The following CDH8 variants were observed in gnomAD, a reference collection of about 807,000 sequenced individuals.
CDH8 encodes cadherin-8.
A neutral mutation model predicts 68.1 loss-of-function variants in CDH8; 17 were observed. The ratio of observed to expected loss-of-function variants is 0.25; its 90% CI spans 0.17 to 0.37. The LOEUF is 0.37. CDH8 is among the 10% of genes least tolerant of loss of function. The pLI, the probability that CDH8 is intolerant of heterozygous loss-of-function variation, is 1.00. For missense variants in CDH8, 763 were observed against 999.3 expected, an observed-to-expected ratio of 0.76 and a Z score of 3.19; for synonymous variants, 372 against 365.1, an observed-to-expected ratio of 1.02 and a Z score of -0.21.
chr16:61,832,171 C>T (rs1962468738), intron 4 of CDH8, among the ~76,000 whole-genome samples: 1 of 151,656 alleles, frequency 6.6e-6, no homozygotes, highest in African/African-American at 2.4e-5. Flanking sequence ...CAAACTTGCA[C>T]AGATATACCA....
At chr16:61,878,546 T>C (rs1963506207) in intron 3 of CDH8, among the ~76,000 whole-genome samples, 1 of 152,174 alleles carries the variant, frequency 6.6e-6, no homozygotes, top group Non-Finnish European at 1.5e-5. Context: ...CATAGACTTT[T>C]TGTAGAAATC....
chr16:61,792,095 T>C (rs1303721920), intron 7 of CDH8, among the ~76,000 whole-genome samples: 1 of 152,008 alleles, frequency 6.6e-6, no homozygotes, highest in African/African-American at 2.4e-5. Flanking sequence ...ATGCTCTTCC[T>C]TGGGAATTTA....
At chr16:61,896,657 C>T (rs970414142) in intron 3 of CDH8, among the ~76,000 whole-genome samples, 11 of 152,234 alleles carry the variant, frequency 7.2e-5, no homozygotes, top group Admixed American at 5.2e-4. Context: ...ATAATGCAGC[C>T]GCCTCTGCTT....
At chr16:61,928,467 A>G (rs1964489273) in intron 2 of CDH8, among the ~76,000 whole-genome samples, 1 of 152,170 alleles carries the variant, frequency 6.6e-6, no homozygotes, top group Non-Finnish European at 1.5e-5. Flanking sequence ...GTCCTGGGTA[A>G]CTGCATCTAT....
chr16:61,804,507 T>C (rs1961750632), intron 7 of CDH8, among the ~76,000 whole-genome samples: 1 of 149,628 alleles, frequency 6.7e-6, no homozygotes, highest in South Asian at 2.1e-4. Context: ...AAAAAACCCT[T>C]CAAAAACTCA....
intron 2 of CDH8, among the ~76,000 whole-genome samples, chr16:61,991,070 A>G (rs955907842): frequency 1.3e-5 from 2 of 152,206 alleles, no homozygotes; most frequent in Admixed American, 6.5e-5. Flanking sequence ...AATATTAAAG[A>G]GTCAGAATTT....
At chr16:61,876,020 G>C (rs1963452032) in intron 3 of CDH8, among the ~76,000 whole-genome samples, 4 of 151,926 alleles carry the variant, frequency 2.6e-5, no homozygotes, top group Admixed American at 2.6e-4. Flanking sequence ...GAGACTACAG[G>C]CACCCGCCAC....
chr16:61,976,998 C>G (rs1651389119), intron 2 of CDH8, among the ~76,000 whole-genome samples: 1 of 152,092 alleles, frequency 6.6e-6, no homozygotes, highest in Admixed American at 6.5e-5. Flanking sequence ...CACATGCAAT[C>G]AATGGGCTCC....
intron 10 of CDH8, 152 bp from the exon 11 acceptor site, chr16:61,655,873 C>CTT (rs35413525): frequency 0.093 from 48,341 of 519,402 alleles, 1,038 homozygotes; most frequent in African/African-American, 0.13. Context: ...CGTCTCCGCA[C>CTT]TTTTTTTTTT....
At chr16:61,677,656 C>T (rs1963939816) in intron 10 of CDH8, among the ~76,000 whole-genome samples, 1 of 152,148 alleles carries the variant, frequency 6.6e-6, no homozygotes, top group Admixed American at 6.6e-5. Context: ...GTAAGTACAT[C>T]TATCTATTTT....
Position 62,021,167 on chromosome 16 carries a change from C to A in CDH8, c.237G>T (p.Pro79=). The A allele has an allele frequency of 1.2e-6, 2 of 1,613,876 alleles. No individual in the cohort carries two copies. Among genetic ancestry groups the A allele is most frequent in the Admixed American group, 1.7e-5 (1 of 59,964 alleles). ...FVLEEFSGPE[P]ILVGRLHTDL... ...CAAAGCTTACCCGGCCAACAAGAAT[C>A]GGTTCAGGTCCAGAAAACTCTTCCA... The change falls in exon 2 of 12, where the codon CCG becomes CCT. Residue 79 remains proline (P), a synonymous_variant. Coordinates refer to ENST00000577390, the MANE Select transcript of CDH8 (RefSeq NM_001796.5).
chr16:61,931,516 C>T (rs16964090), intron 2 of CDH8, among the ~76,000 whole-genome samples: 5,709 of 152,040 alleles, frequency 0.038, 368 homozygotes, highest in African/African-American at 0.13. Flanking sequence ...TTAGGAATCA[C>T]CTGTTTCAGG....
intron 8 of CDH8, among the ~76,000 whole-genome samples, chr16:61,731,141 C>T (rs1371130523): frequency 6.6e-6 from 1 of 151,556 alleles, no homozygotes; most frequent in East Asian, 1.9e-4. Context: ...CAGAAAGTTC[C>T]TTCATATACA....
chr16:61,995,257 A>G (rs1965789306), intron 2 of CDH8, among the ~76,000 whole-genome samples: 1 of 152,166 alleles, frequency 6.6e-6, no homozygotes, highest in Admixed American at 6.5e-5. Flanking sequence ...AAGGAAGGAA[A>G]CACAAAACAA....
At chr16:61,711,669 G>A (rs1183489357) in intron 10 of CDH8, 1 of 151,642 alleles carries the variant, frequency 6.6e-6, no homozygotes, top group Admixed American at 6.6e-5. Context: ...GAGGAACATA[G>A]AGTATAAACT....
chr16:61,950,884 G>T (rs954964749), intron 2 of CDH8, among the ~76,000 whole-genome samples: 2 of 152,062 alleles, frequency 1.3e-5, no homozygotes, highest in Non-Finnish European at 2.9e-5. Context: ...AGGCACTGGG[G>T]TCTATTTGAG....
At chr16:61,760,257 T>C (rs563110104) in intron 8 of CDH8, among the ~76,000 whole-genome samples, 3 of 152,168 alleles carry the variant, frequency 2.0e-5, no homozygotes, top group Non-Finnish European at 4.4e-5. Flanking sequence ...TAATTTGTTA[T>C]GAGATAAAAT....
At chr16:61,711,241 A>G (rs1423824033) in intron 10 of CDH8, among the ~76,000 whole-genome samples, 1 of 151,886 alleles carries the variant, frequency 6.6e-6, no homozygotes, top group Non-Finnish European at 1.5e-5. Context: ...GGACCAATCC[A>G]TATAAGAGAC....
intron 4 of CDH8, among the ~76,000 whole-genome samples, chr16:61,849,841 TC>T (rs1237659414): frequency 6.6e-6 from 1 of 152,186 alleles, no homozygotes; most frequent in African/African-American, 2.4e-5. Context: ...AGTGAAAATG[TC>T]CTATCACAAA....
Sources: gnomAD v4.1 joint callset for allele counts (sites outside exome capture counted in the v4.1 genomes callset) on GRCh38, gnomAD v4.1.1 for gene constraint, MANE v1.5 for transcripts, NCBI Gene and HGNC (gene_info 2026-07-23, HGNC 2026-07-21) for gene names.